Variants in SPAG5 observed in about 807,000 individuals in gnomAD.
SPAG5 encodes the protein sperm-associated antigen 5.
In SPAG5, 99 loss-of-function variants were observed where a neutral mutation model predicts 145.4. That is an observed-to-expected ratio of 0.68 (90% confidence interval 0.58 to 0.80). The LOEUF is 0.80. Among genes scored for constraint, SPAG5 ranks in the 30% least tolerant of loss-of-function variants. The pLI is 0.00. For missense variants in SPAG5, 1,192 were observed against 1,416.0 expected, an observed-to-expected ratio of 0.84 and a Z score of 2.54; for synonymous variants, 477 against 525.4, an observed-to-expected ratio of 0.91 and a Z score of 1.26.
chr17:28,587,320 G>A (rs935605544), intron 4 of SPAG5, among the ~76,000 whole-genome samples: 7 of 151,954 alleles, frequency 4.6e-5, no homozygotes, highest in African/African-American at 1.7e-4. Flanking sequence ...GTCAAGGCGG[G>A]CGGATCACCT....
In SPAG5 at chr17:28,584,682, G is replaced by C. The variant is rs893803800; in HGVS notation, c.2131C>G (p.Leu711Val). The C allele has an allele frequency of 6.2e-7, 1 of 1,613,990 alleles. No homozygotes were observed. Among genetic ancestry groups the C allele is most frequent in the African/African-American group, 1.3e-5 (1 of 74,914 alleles). The stretch of plus-strand genomic sequence containing the variant: ...GCTAGACGACTGTTTTCCAACTCCA[G>C]TTGTTCTGTTTGGCCTTTGCACTCC... ...LEECKGQTEQ[L>V]ELENSRLATD... is the part of the protein sequence containing the mutation. The change falls in exon 11 of 24, where the codon CTG becomes GTG. Residue 711 changes from leucine (L) to valine (V), a missense_variant. Leu to Val is a conservative substitution (Grantham distance 32). Around this residue, in one of 5 missense-constraint regions of SPAG5, gnomAD observed 709 missense variants for 840.7 expected, o/e 0.84. Transcript: ENST00000321765.
intron 17 of SPAG5, 49 bp downstream of exon 17, chr17:28,579,699 TCAC>T (rs1395054764): frequency 1.3e-6 from 2 of 1,560,932 alleles, no homozygotes; most frequent in Non-Finnish European, 1.8e-6. Context: ...TCTTTACTCA[TCAC>T]CACCAGATTT....
At chr17:28,587,590 G>A (rs2070594210) in intron 4 of SPAG5, among the ~76,000 whole-genome samples, 1 of 151,754 alleles carries the variant, frequency 6.6e-6, no homozygotes, top group African/African-American at 2.4e-5. Context: ...GGTGGCACAT[G>A]CCTATATTCC....
Position 28,579,987 on chromosome 17 carries a change from C to G in SPAG5, c.2797+22G>C, listed in dbSNP as rs2070539910. ...GGAGCAGCGTCACAACTTTCCCACC[C>G]CCAAATCCCAGGGCCTTTAACCTTC... On this transcript the variant is annotated intron_variant, in intron 16 of 23. Transcript: ENST00000321765. The G allele has an allele frequency of 1.9e-6, 3 of 1,595,526 alleles. No individual in the cohort carries two copies. In the Admixed American group the frequency reaches 5.0e-5, roughly 27 times the overall value.
At chr17:28,588,961 C>T (rs755895501) in intron 4 of SPAG5, among the ~76,000 whole-genome samples, 1 of 151,598 alleles carries the variant, frequency 6.6e-6, no homozygotes, top group African/African-American at 2.4e-5. Flanking sequence ...GGATTATAAG[C>T]GTGAGCCACC....
At chr17:28,587,219 G>A (rs1437593848) in intron 4 of SPAG5, among the ~76,000 whole-genome samples, 5 of 148,006 alleles carry the variant, frequency 3.4e-5, no homozygotes, top group Non-Finnish European at 1.5e-5. Flanking sequence ...TTCAAGACCA[G>A]CCTGGGCAAC....
At chr17:28,582,640 A>G (rs1289205009) in intron 15 of SPAG5, 1 of 152,222 alleles carries the variant, frequency 6.6e-6, no homozygotes, top group African/African-American at 2.4e-5. Context: ...TGTGCTCGGT[A>G]CCCAGTTGGG....
chr17:28,585,406 C>T lies in SPAG5; in HGVS notation c.1866G>A (p.Gly622=). ...LLKDAQTQLV[G]LHAKQEELVQ... is the part of the protein sequence containing the mutation. ...CCAGCTCTTCTTGCTTGGCATGAAGCCCTACCTACAAAAGAAAGATTGCCT... is the reference window on the plus strand; with the variant it reads ...CCAGCTCTTCTTGCTTGGCATGAAGTCCTACCTACAAAAGAAAGATTGCCT... The change falls in exon 9 of 24, where the codon GGG becomes GGA. Residue 622 remains glycine, a synonymous_variant. Transcript: ENST00000321765. 1 of 1,614,160 alleles carries T rather than the reference C, an allele frequency of 6.2e-7. No individual in the cohort carries two copies. The highest frequency in any genetic ancestry group is 8.5e-7 in the Non-Finnish European group (1 of 1,180,002).
At chr17:28,578,111 A>T in intron 22 of SPAG5, 21 bp from the exon 23 acceptor site, 1 of 1,613,034 alleles carries the variant, frequency 6.2e-7, no homozygotes, top group Non-Finnish European at 8.5e-7. Flanking sequence ...AACAGATTTT[A>T]TAAGTCCTAT....
chr17:28,581,702 C>T (rs557610376), intron 15 of SPAG5, among the ~76,000 whole-genome samples: 8 of 152,284 alleles, frequency 5.3e-5, no homozygotes, highest in African/African-American at 1.7e-4. Flanking sequence ...AGGTCTCTCC[C>T]GCTGACTGGT....
chr17:28,594,392 G>A (rs1486966976), intron 2 of SPAG5, among the ~76,000 whole-genome samples: 2 of 152,108 alleles, frequency 1.3e-5, no homozygotes, highest in South Asian at 2.1e-4. Context: ...TCAGGAGATC[G>A]AGACCATCCT....
chr17:28,583,784 G>C, intron 14 of SPAG5, 69 bp downstream of exon 14: 1 of 1,559,962 alleles, frequency 6.4e-7, no homozygotes, highest in Middle Eastern at 1.7e-4. Context: ...TGGAGATTTT[G>C]GCTTCTAGAA....
intron 15 of SPAG5, chr17:28,582,932 G>A (rs1192812373): frequency 6.6e-6 from 1 of 152,154 alleles, no homozygotes; most frequent in Non-Finnish European, 1.5e-5. Flanking sequence ...ATTTGATTTG[G>A]GAACAGTTCA....
At position 28,599,019 on chromosome 17, in the gene SPAG5, T is replaced by C; in HGVS notation, c.-73A>G. The C allele has an allele frequency of 1.3e-6, 2 of 1,487,952 alleles. No individual in the cohort carries two copies. Among genetic ancestry groups the C allele is most frequent in the Non-Finnish European group, 1.9e-6 (2 of 1,066,486 alleles). The allele number at this position is 1,487,952 out of a possible 1,614,324, so 92.2% of individuals were successfully genotyped here. A position where few individuals can be genotyped will look rare whatever the true frequency, so the allele number is the denominator to read the frequency against. ...GCCATGTTCACCCGCCGTCTGTGTT[T>C]GAACCTGCTCTGCGCTTCCTGGTTG... On this transcript the variant is annotated 5_prime_UTR_variant, in exon 1 of 24. Coordinates refer to ENST00000321765, the MANE Select transcript of SPAG5 (RefSeq NM_006461.4).
rs778362263 is a variant in SPAG5 at position 28,578,296 on chromosome 17, G to A, written c.3355-4C>T. On this transcript the variant is annotated splice_region_variant and splice_polypyrimidine_tract_variant and intron_variant, in intron 21 of 23. Transcript: ENST00000321765. ...ACATCACTCTCAGTTTGTCCACCTA[G>A]AAATATGTCCAGATCAACAGGGGTA... 4 of 1,613,996 alleles carry A rather than the reference G, an allele frequency of 2.5e-6. No homozygotes were observed. The highest frequency in any genetic ancestry group is 3.4e-6 in the Non-Finnish European group (4 of 1,180,016).
Position 28,593,056 on chromosome 17 carries a change from T to C in SPAG5, c.188A>G (p.Asn63Ser), listed in dbSNP as rs200484091. Reference sequence around the variant, plus strand: ...TACAAAATCCACTGGAGATGAGTTGTTGCTGCCTTCCTGCCAAAGGAAACA... The same window carrying C: ...TACAAAATCCACTGGAGATGAGTTGCTGCTGCCTTCCTGCCAAAGGAAACA... ...LCKLGLQEGS[N>S]NSSPVDFVNN... The change falls in exon 3 of 24, where the codon AAC becomes AGC. Residue 63 changes from asparagine (N) to serine (S), a missense_variant. This residue lies in a region of SPAG5 where 329 missense variants were observed against 354.0 expected (regional missense o/e 0.93). Transcript: ENST00000321765. The C allele has an allele frequency of 3.3e-4, 527 of 1,612,842 alleles. 11 individuals are homozygous for C. The Admixed American group carries it at 8.5e-3, about 26-fold the overall frequency.
chr17:28,585,298 A>T, intron 9 of SPAG5, 21 bp downstream of exon 9: 7 of 1,612,048 alleles, frequency 4.3e-6, no homozygotes, highest in Non-Finnish European at 5.9e-6. Flanking sequence ...GGAATTAGTT[A>T]TGATGGTCCC....
chr17:28,587,743 A>G (rs1051514930), intron 4 of SPAG5, among the ~76,000 whole-genome samples: 1 of 148,576 alleles, frequency 6.7e-6, no homozygotes, highest in Non-Finnish European at 1.5e-5. Flanking sequence ...AAAAAAAAGG[A>G]TGAACCAATT....
At chr17:28,588,293 A>G (rs2070599111) in intron 4 of SPAG5, among the ~76,000 whole-genome samples, 1 of 152,186 alleles carries the variant, frequency 6.6e-6, no homozygotes, top group Non-Finnish European at 1.5e-5. Flanking sequence ...AGAATGGCTA[A>G]AGGTATGTCA....
Sources: allele counts gnomAD v4.1 joint callset (sites outside exome capture counted in the v4.1 genomes callset), GRCh38; gene constraint gnomAD v4.1.1; regional missense constraint gnomAD v4.1.1; transcripts MANE v1.5; gene names NCBI Gene and HGNC (gene_info 2026-07-23, HGNC 2026-07-21).